Variants in UNC5B observed in about 807,000 individuals in gnomAD.
UNC5B encodes the protein netrin receptor UNC5B.
UNC5B carries 56 observed loss-of-function variants against 103.7 expected under a neutral mutation model. The ratio of observed to expected loss-of-function variants is 0.54; its 90% CI spans 0.44 to 0.67. The LOEUF (loss-of-function observed/expected upper bound fraction) is 0.67. Ranked by LOEUF, UNC5B falls within the 30% of genes least tolerant of loss-of-function variation. The pLI, the probability that UNC5B is intolerant of heterozygous loss-of-function variation, is 0.00. For synonymous variants in UNC5B, 577 were observed against 542.0 expected, an observed-to-expected ratio of 1.06 and a Z score of -0.90; for missense variants, 1,194 against 1,284.5, an observed-to-expected ratio of 0.93 and a Z score of 1.08.
chr10:71,261,850 A>G (rs1844422025), intron 1 of UNC5B, among the ~76,000 whole-genome samples: 1 of 152,174 alleles, frequency 6.6e-6, no homozygotes. Context: ...GTGCCCATTG[A>G]ATACAACTAC....
rs1452513489 is a variant in UNC5B, at chr10:71,212,772, C to A, written c.-214C>A. On this transcript the variant is annotated 5_prime_UTR_variant, in exon 1 of 17. Coordinates refer to ENST00000335350, the MANE Select transcript of UNC5B (RefSeq NM_170744.5). ...CAGAGGGGCGCGCCGGAGCCTCGTT[C>A]GAGAGCCGGCGCCAGGCACCCACCG... 1.7e-5 allele frequency: 6 copies of A among 359,328 alleles called. No individual in the cohort carries two copies. Among genetic ancestry groups the A allele is most frequent in the Non-Finnish European group, 3.0e-5 (6 of 202,066 alleles). The allele number at this position is 359,328 out of a possible 1,614,324, so 22.3% of individuals were successfully genotyped here.
At chr10:71,222,359 AGGTGGC>A (rs1843470055) in intron 1 of UNC5B, among the ~76,000 whole-genome samples, 1 of 152,122 alleles carries the variant, frequency 6.6e-6, no homozygotes, top group South Asian at 2.1e-4. Context: ...AATCTTCCAG[AGGTGGC>A]TCACTCTCTG....
chr10:71,249,012 A>G (rs1384524357), intron 1 of UNC5B, among the ~76,000 whole-genome samples: 1 of 152,170 alleles, frequency 6.6e-6, no homozygotes, highest in Non-Finnish European at 1.5e-5. Flanking sequence ...TCTGTTGGCC[A>G]GGTGATCCCA....
In UNC5B at chr10:71,279,880, C is replaced by G; in HGVS notation, c.139C>G (p.Leu47Val). ...CTTCCCGTCAGCGCCAGCAGAGCCG[C>G]TGCCCTACTTCCTGCAGGAGCCACA... ...DSFPSAPAEP[L>V]PYFLQEPQDA... Residue 47 changes from leucine (L) to valine (V), a missense_variant, in exon 2 of 17, where the codon CTG becomes GTG. Leu to Val is a conservative substitution (Grantham distance 32). Transcript: ENST00000335350. 6.2e-7 allele frequency: 1 copy of G among 1,614,004 alleles called. No individual in the cohort carries two copies. The highest frequency in any genetic ancestry group is 1.1e-5 in the South Asian group (1 of 91,084).
chr10:71,257,621 C>A (rs1378315119), intron 1 of UNC5B, among the ~76,000 whole-genome samples: 3 of 152,206 alleles, frequency 2.0e-5, no homozygotes, highest in Non-Finnish European at 4.4e-5. Context: ...CCAGCCTGGA[C>A]TGAATTCTCA....
chr10:71,262,246 C>G (rs1007640370), intron 1 of UNC5B, among the ~76,000 whole-genome samples: 2 of 152,058 alleles, frequency 1.3e-5, no homozygotes, highest in Non-Finnish European at 2.9e-5. Context: ...GGCTGGCACC[C>G]GACACCCCCT....
chr10:71,276,005 G>A (rs953440417), intron 1 of UNC5B, among the ~76,000 whole-genome samples: 7 of 152,138 alleles, frequency 4.6e-5, no homozygotes, highest in South Asian at 4.1e-4. Context: ...TGCAGTGCCC[G>A]ACAGGTGCAC....
At position 71,236,566 on chromosome 10, in the gene UNC5B, C is replaced by T. The variant is rs922960633; in HGVS notation, c.79+23502C>T. Among the ~76,000 whole-genome samples the T allele has an allele frequency of 3.9e-5, 6 of 152,148 alleles. No homozygotes were observed. The East Asian group carries it at 5.8e-4, about 15-fold the overall frequency. On this transcript the variant is annotated intron_variant, in intron 1 of 16. Transcript: ENST00000335350. ...GAGGCCCATTTAGAAAGTCGTAAAG[C>T]GTTTCTCAGAGCTCCTCAGAGCTGG...
intron 1 of UNC5B, among the ~76,000 whole-genome samples, chr10:71,246,314 G>A (rs78747296): frequency 0.01 from 1,572 of 152,292 alleles, 26 homozygotes; most frequent in African/African-American, 0.035. Context: ...CCCAAGGGGA[G>A]AGGATCCGAG....
At chr10:71,272,796 C>G (rs577454481) in intron 1 of UNC5B, among the ~76,000 whole-genome samples, 8 of 152,362 alleles carry the variant, frequency 5.3e-5, no homozygotes, top group African/African-American at 1.9e-4. Context: ...AGGAAACAGT[C>G]TGTGGGGCTT....
At chr10:71,231,264 G>A (rs912733378) in intron 1 of UNC5B, among the ~76,000 whole-genome samples, 4 of 152,216 alleles carry the variant, frequency 2.6e-5, no homozygotes, top group African/African-American at 9.6e-5. Flanking sequence ...GTAGGGGTGA[G>A]GTGGGGGTTG....
At chr10:71,250,906 G>A (rs1172514689) in intron 1 of UNC5B, among the ~76,000 whole-genome samples, 2 of 152,178 alleles carry the variant, frequency 1.3e-5, no homozygotes, top group East Asian at 3.8e-4. Flanking sequence ...GCATGCTAGA[G>A]GTGGAAGGAA....
chr10:71,295,352 A>G (rs1845379002), intron 13 of UNC5B, among the ~76,000 whole-genome samples: 1 of 140,922 alleles, frequency 7.1e-6, no homozygotes, highest in Non-Finnish European at 1.5e-5. Flanking sequence ...CCATCCATCC[A>G]TCTGTCCATC....
rs919163044 is a variant in UNC5B, at chr10:71,241,255, G to T, written c.79+28191G>T. ...GTGATTCACTTTAGCTAGAGGAGAG[G>T]TTGCCTAAGCAGGCCTGAGAAGCTT... On this transcript the variant is annotated intron_variant, in intron 1 of 16. Coordinates refer to ENST00000335350, the MANE Select transcript of UNC5B (RefSeq NM_170744.5). Among the ~76,000 whole-genome samples the T allele has an allele frequency of 3.9e-5, 6 of 152,182 alleles. No individual in the cohort carries two copies. In the South Asian group the frequency reaches 1.2e-3, roughly 32 times the overall value.
chr10:71,240,606 G>A (rs984098756), intron 1 of UNC5B, among the ~76,000 whole-genome samples: 3 of 152,216 alleles, frequency 2.0e-5, no homozygotes, highest in Admixed American at 6.5e-5. Flanking sequence ...TTAGGGTCAC[G>A]GCTGAGCAGA....
Position 71,213,728 on chromosome 10 carries a change from AGTGTGTGTGTGTGTGT to A in UNC5B, c.79+683_79+698del, listed in dbSNP as rs58235566. On this transcript the variant is annotated intron_variant, in intron 1 of 16. Coordinates refer to ENST00000335350, the MANE Select transcript of UNC5B (RefSeq NM_170744.5). This position sits in a 1 kb window ranked among gnomAD's most constrained non-coding sequence, Gnocchi z 4.1. ...ATTATTAATTTTCTGAGTGTTGGAG[AGTGTGTGTGTGTGTGT>A]GTGTGTGTGTGTGTGTGTTGGATGC... 8.6e-4 allele frequency among the ~76,000 whole-genome samples: 113 copies of A among 131,472 alleles called. No individual in the cohort carries two copies. The highest frequency in any genetic ancestry group is 2.9e-3 in the African/African-American group (101 of 34,258). The allele number at this position is 131,472 out of a possible 152,430, so 86.3% of individuals were successfully genotyped here.
At chr10:71,283,995 G>C (rs1443884701) in intron 2 of UNC5B, among the ~76,000 whole-genome samples, 1 of 152,224 alleles carries the variant, frequency 6.6e-6, no homozygotes, top group Admixed American at 6.5e-5. Context: ...TTGTTCTCCT[G>C]CAGGAGACAG....
chr10:71,233,903 C>T (rs1204997300), intron 1 of UNC5B, among the ~76,000 whole-genome samples: 4 of 152,198 alleles, frequency 2.6e-5, no homozygotes, highest in African/African-American at 7.2e-5. Flanking sequence ...TGGCTGAGGC[C>T]GCCAGGAGAT....
intron 1 of UNC5B, among the ~76,000 whole-genome samples, chr10:71,227,697 TACACAC>T (rs1454704051): frequency 5.6e-4 from 64 of 113,758 alleles, no homozygotes; most frequent in African/African-American, 2.3e-3. Context: ...CACATATATA[TACACAC>T]ATATACACAC....
Sources: gnomAD v4.1 joint callset for allele counts (sites outside exome capture counted in the v4.1 genomes callset) on GRCh38, gnomAD v4.1.1 for gene constraint, Gnocchi (gnomAD v3.1) non-coding constraint, MANE v1.5 for transcripts, NCBI Gene and HGNC (gene_info 2026-07-23, HGNC 2026-07-21) for gene names.